Variants in CEP128 observed in about 807,000 individuals in gnomAD.
CEP128 encodes centrosomal protein 128, also known as centrosomal protein 128kDa.
In CEP128, 132 loss-of-function variants were observed where a neutral mutation model predicts 156.7. The ratio of observed to expected loss-of-function variants is 0.84; its 90% confidence interval spans 0.73 to 0.97. The LOEUF (loss-of-function observed/expected upper bound fraction) is 0.97. Among genes scored for constraint, CEP128 ranks in the 50% least tolerant of loss-of-function variants. The pLI is 0.00. For missense variants in CEP128, 1,252 were observed against 1,281.9 expected (o/e 0.98, Z 0.36); for synonymous variants, 469 against 448.9 (o/e 1.04, Z -0.57).
intron 8 of CEP128, among the ~76,000 whole-genome samples, chr14:80,865,222 T>C (rs1233966690): frequency 2.0e-5 from 3 of 152,268 alleles, no homozygotes; most frequent in Admixed American, 2.0e-4. Context: ...ATAATGTCTT[T>C]CAGGTTCATC....
At chr14:80,730,629 G>A (rs970928022) in intron 19 of CEP128, among the ~76,000 whole-genome samples, 1 of 152,140 alleles carries the variant, frequency 6.6e-6, no homozygotes, top group Non-Finnish European at 1.5e-5. Context: ...TTAGTCAGAT[G>A]GAATAGTTCT....
At chr14:80,866,620 T>C (rs1176554721) in intron 8 of CEP128, among the ~76,000 whole-genome samples, 1 of 152,066 alleles carries the variant, frequency 6.6e-6, no homozygotes, top group African/African-American at 2.4e-5. Flanking sequence ...CTGCATAGAC[T>C]CATTAAGTAA....
chr14:80,836,078 G>T, intron 12 of CEP128, 127 bp downstream of exon 12: 1 of 855,074 alleles, frequency 1.2e-6, no homozygotes. Flanking sequence ...ATGTTTAATA[G>T]ATCAAGAAAT....
chr14:80,681,793 C>G (rs1595208596), intron 19 of CEP128, among the ~76,000 whole-genome samples: 1 of 152,152 alleles, frequency 6.6e-6, no homozygotes, highest in Non-Finnish European at 1.5e-5. Context: ...TACACAGTCT[C>G]AGGCAGTTCT....
intron 16 of CEP128, among the ~76,000 whole-genome samples, chr14:80,765,516 T>C (rs1177340774): frequency 4.6e-5 from 7 of 152,156 alleles, no homozygotes. Context: ...TTACCAAATT[T>C]CTAGAGAACC....
At chr14:80,691,331 TG>T (rs898063212) in intron 19 of CEP128, among the ~76,000 whole-genome samples, 2 of 152,172 alleles carry the variant, frequency 1.3e-5, no homozygotes, top group Non-Finnish European at 2.9e-5. Flanking sequence ...GATGTGGTGA[TG>T]GGGGGATGGT....
chr14:80,933,473 A>G (rs1885601242), intron 2 of CEP128, among the ~76,000 whole-genome samples: 1 of 152,200 alleles, frequency 6.6e-6, no homozygotes, highest in African/African-American at 2.4e-5. Context: ...ATCAGGAGTC[A>G]GCAAATTTTT....
chr14:80,844,226 A>G (rs1443340117), intron 9 of CEP128, among the ~76,000 whole-genome samples: 1 of 152,078 alleles, frequency 6.6e-6, no homozygotes, highest in East Asian at 1.9e-4. Flanking sequence ...CACATTCTAA[A>G]TCCCTGAACC....
intron 15 of CEP128, among the ~76,000 whole-genome samples, chr14:80,780,511 C>G (rs1488297388): frequency 6.6e-6 from 1 of 152,016 alleles, no homozygotes; most frequent in African/African-American, 2.4e-5. Flanking sequence ...CTTTAACACC[C>G]CTCCCAGATC....
intron 9 of CEP128, among the ~76,000 whole-genome samples, chr14:80,853,613 TA>T (rs1256115150): frequency 7.9e-5 from 12 of 152,056 alleles, no homozygotes; most frequent in Admixed American, 7.9e-4. Flanking sequence ...CAGACAATTA[TA>T]AAACATTATT....
intron 23 of CEP128, among the ~76,000 whole-genome samples, chr14:80,515,298 G>A (rs898660754): frequency 1.3e-5 from 2 of 152,118 alleles, no homozygotes; most frequent in Non-Finnish European, 2.9e-5. Flanking sequence ...CTCTGCCCCA[G>A]CCCAGGGCAG....
At chr14:80,620,905 A>G (rs1893451118) in intron 19 of CEP128, among the ~76,000 whole-genome samples, 1 of 152,236 alleles carries the variant, frequency 6.6e-6, no homozygotes, top group Non-Finnish European at 1.5e-5. Flanking sequence ...AAACACGTAG[A>G]GATGAAAAGT....
chr14:80,827,285 A>G (rs1885531697), intron 13 of CEP128, among the ~76,000 whole-genome samples: 1 of 152,254 alleles, frequency 6.6e-6, no homozygotes, highest in South Asian at 2.1e-4. Context: ...ACAAATACTA[A>G]TTAAGCACCT....
intron 18 of CEP128, 77 bp from the exon 19 acceptor site, chr14:80,743,344 A>G: frequency 8.5e-7 from 1 of 1,178,798 alleles, no homozygotes; most frequent in Non-Finnish European, 1.2e-6. Flanking sequence ...AGAAAAAAAT[A>G]AGTAACATAA....
intron 2 of CEP128, among the ~76,000 whole-genome samples, chr14:80,921,829 G>A (rs527577317): frequency 2.6e-5 from 4 of 151,962 alleles, no homozygotes; most frequent in Non-Finnish European, 4.4e-5. Context: ...TGGGCATGGC[G>A]GCGTGCGCCT....
rs374854868 is a variant in CEP128, at chr14:80,916,580, G to C, written c.-15-18C>G. 56 of 1,582,142 alleles carry C rather than the reference G, an allele frequency of 3.5e-5. No individual in the cohort carries two copies. In the African/African-American group the frequency reaches 7.1e-4, roughly 20 times the overall value. ...CACAAATCCTTTTAAATAAATATAG[G>C]TCAAAGTTAATGAAACAGTAAAAAG... On this transcript the variant is annotated intron_variant, in intron 2 of 24. Transcript: ENST00000555265.
At chr14:80,902,134 T>A (rs1251867490) in intron 6 of CEP128, among the ~76,000 whole-genome samples, 1 of 152,214 alleles carries the variant, frequency 6.6e-6, no homozygotes, top group Non-Finnish European at 1.5e-5. Flanking sequence ...GCCCTATGCA[T>A]CTTTCCACTA....
Position 80,877,173 on chromosome 14 carries a change from G to T in CEP128, c.646-14300C>A, listed in dbSNP as rs529054588. 5.3e-5 allele frequency among the ~76,000 whole-genome samples: 8 copies of T among 151,652 alleles called. No individual in the cohort carries two copies. In the East Asian group the frequency reaches 1.6e-3, roughly 29 times the overall value. On this transcript the variant is annotated intron_variant, in intron 8 of 24. Transcript: ENST00000555265. ...CCCTAGGTTAACAAAGGAATAAAAAGATATAATTAGAAAGCTAATAGACGT... is the reference window on the plus strand; with the variant it reads ...CCCTAGGTTAACAAAGGAATAAAAATATATAATTAGAAAGCTAATAGACGT...
At chr14:80,738,039 C>G (rs1414290455) in intron 19 of CEP128, among the ~76,000 whole-genome samples, 1 of 152,116 alleles carries the variant, frequency 6.6e-6, no homozygotes, top group Non-Finnish European at 1.5e-5. Context: ...CTTGCTTCTT[C>G]CTGTTTTGGG....
Sources: gnomAD v4.1 joint callset for allele counts (sites outside exome capture counted in the v4.1 genomes callset) on GRCh38, gnomAD v4.1.1 for gene constraint, MANE v1.5 for transcripts, NCBI Gene and HGNC (gene_info 2026-07-23, HGNC 2026-07-21) for gene names.